PRKG1: variants seen among roughly 807,000 people sequenced by gnomAD.
PRKG1 encodes the protein cGMP-dependent protein kinase 1.
A neutral mutation model predicts 88.1 loss-of-function variants in PRKG1; 35 were observed. The observed-to-expected ratio is 0.40, with a 90% CI of 0.30 to 0.53. The LOEUF (loss-of-function observed/expected upper bound fraction) is 0.53, where lower values mean the gene tolerates loss of function less well. PRKG1 is among the 20% of genes least tolerant of loss of function. The pLI is 0.59. For missense variants in PRKG1, 540 were observed against 839.8 expected (o/e 0.64, Z 4.41); for synonymous variants, 303 against 292.5 (o/e 1.04, Z -0.37).
chr10:51,793,556 A>G (rs951390221), intron 3 of PRKG1, among the ~76,000 whole-genome samples: 2 of 152,146 alleles, frequency 1.3e-5, no homozygotes, highest in African/African-American at 4.8e-5. Flanking sequence ...AAGGTCTCCC[A>G]TCAAATTCAA....
intron 1 of PRKG1, among the ~76,000 whole-genome samples, chr10:51,082,506 T>C (rs1405180697): frequency 6.6e-6 from 1 of 152,212 alleles, no homozygotes; most frequent in Non-Finnish European, 1.5e-5. Context: ...TACATATCAG[T>C]AATTTTTGAT....
intron 7 of PRKG1, among the ~76,000 whole-genome samples, chr10:52,092,124 A>G (rs1430210525): frequency 6.6e-6 from 1 of 152,088 alleles, no homozygotes; most frequent in Non-Finnish European, 1.5e-5. Flanking sequence ...ATTGTTCTTC[A>G]CACCTAATAG....
chr10:52,178,848 C>T (rs1349728484), intron 9 of PRKG1, among the ~76,000 whole-genome samples: 1 of 151,582 alleles, frequency 6.6e-6, no homozygotes, highest in African/African-American at 2.4e-5. Flanking sequence ...TGTGAAGTAT[C>T]TTTTCCCATC....
chr10:51,858,873 G>A (rs184546776), intron 4 of PRKG1, among the ~76,000 whole-genome samples: 4 of 152,212 alleles, frequency 2.6e-5, no homozygotes, highest in Middle Eastern at 3.4e-3. Flanking sequence ...ATGGATTAGA[G>A]GGTCTTTATC....
intron 3 of PRKG1, among the ~76,000 whole-genome samples, chr10:51,478,581 G>A (rs956599823): frequency 5.3e-5 from 8 of 151,978 alleles, no homozygotes; most frequent in African/African-American, 1.9e-4. Context: ...CCCTAAAACT[G>A]TAGTGAACCA....
At chr10:51,511,771 C>T (rs1317363652) in intron 3 of PRKG1, among the ~76,000 whole-genome samples, 2 of 152,178 alleles carry the variant, frequency 1.3e-5, no homozygotes, top group African/African-American at 4.8e-5. Context: ...TTGGCAGTAT[C>T]TATTAAAGCT....
chr10:51,994,707 G>A (rs1844393667), intron 5 of PRKG1, among the ~76,000 whole-genome samples: 1 of 152,120 alleles, frequency 6.6e-6, no homozygotes, highest in African/African-American at 2.4e-5. Context: ...GCCTCCAGGA[G>A]GATAGAGTGT....
intron 3 of PRKG1, among the ~76,000 whole-genome samples, chr10:51,693,697 C>T (rs1341411981): frequency 6.6e-6 from 1 of 151,928 alleles, no homozygotes; most frequent in Non-Finnish European, 1.5e-5. Flanking sequence ...CCACCATGCC[C>T]GACTCCCAAG....
At chr10:51,949,096 A>G (rs964803072) in intron 5 of PRKG1, among the ~76,000 whole-genome samples, 19 of 152,212 alleles carry the variant, frequency 1.2e-4, no homozygotes, top group Non-Finnish European at 1.8e-4. Context: ...TGCCTTCAAT[A>G]TGGACATCTA....
In PRKG1 at chr10:52,295,431, A is replaced by T. The variant is rs1488893120; in HGVS notation, c.*1531A>T. 2 of 152,070 alleles carry T rather than the reference A, an allele frequency of 1.3e-5. No individual in the cohort carries two copies. Among genetic ancestry groups the T allele is most frequent in the Non-Finnish European group, 2.9e-5 (2 of 67,948 alleles). The allele number at this position is 152,070 out of a possible 1,614,324, so 9.4% of individuals were successfully genotyped here. A position where few individuals can be genotyped will look rare whatever the true frequency, so the allele number is the denominator to read the frequency against. ...TGAAAATGTCAAGCTGATTTACTTT[A>T]TTCACATGGAGAAAAGAATCCACAA... On this transcript the variant is annotated 3_prime_UTR_variant, in exon 18 of 18. Coordinates refer to ENST00000373980, the MANE Select transcript of PRKG1 (RefSeq NM_006258.4).
At chr10:51,770,084 A>T (rs2132543506) in intron 3 of PRKG1, among the ~76,000 whole-genome samples, 1 of 152,290 alleles carries the variant, frequency 6.6e-6, no homozygotes, top group Admixed American at 6.5e-5. Context: ...CTCAAACTGG[A>T]TGTACAAATA....
chr10:51,103,782 T>C (rs1844746080), intron 1 of PRKG1, among the ~76,000 whole-genome samples: 1 of 152,150 alleles, frequency 6.6e-6, no homozygotes, highest in East Asian at 1.9e-4. Context: ...ATGAACTTGA[T>C]AGCATACCTA....
intron 3 of PRKG1, among the ~76,000 whole-genome samples, chr10:51,471,762 G>T (rs533577148): frequency 9.0e-4 from 136 of 151,800 alleles, no homozygotes; most frequent in South Asian, 2.5e-3. Context: ...CCAGACCTTT[G>T]GTCATGTACT....
At chr10:51,578,577 A>G (rs1407340899) in intron 3 of PRKG1, among the ~76,000 whole-genome samples, 1 of 152,128 alleles carries the variant, frequency 6.6e-6, no homozygotes, top group African/African-American at 2.4e-5. Flanking sequence ...CACAGGGCCA[A>G]GAACTTCAGG....
chr10:51,370,496 G>A (rs1462946790), intron 2 of PRKG1, among the ~76,000 whole-genome samples: 1 of 116,076 alleles, frequency 8.6e-6, no homozygotes, highest in Non-Finnish European at 1.9e-5. Flanking sequence ...GAGAGAGAGA[G>A]TGTGTGTGTG....
intron 2 of PRKG1, among the ~76,000 whole-genome samples, chr10:51,283,693 A>G (rs1840360490): frequency 1.3e-5 from 2 of 152,170 alleles, no homozygotes; most frequent in African/African-American, 2.4e-5. Flanking sequence ...GAATCATGAA[A>G]GATCTTGATG....
At chr10:51,964,087 T>G (rs1843511470) in intron 5 of PRKG1, among the ~76,000 whole-genome samples, 1 of 152,186 alleles carries the variant, frequency 6.6e-6, no homozygotes, top group African/African-American at 2.4e-5. Context: ...ACTCATTGGC[T>G]TGTGACCCTA....
chr10:51,144,041 G>A (rs373741629), intron 1 of PRKG1, among the ~76,000 whole-genome samples: 5 of 151,776 alleles, frequency 3.3e-5, no homozygotes, highest in Non-Finnish European at 5.9e-5. Context: ...AAAAATCCTT[G>A]CCTGGATCAG....
chr10:51,529,351 A>T (rs1342734914), intron 3 of PRKG1, among the ~76,000 whole-genome samples: 1 of 152,114 alleles, frequency 6.6e-6, no homozygotes, highest in African/African-American at 2.4e-5. Flanking sequence ...AGTCACATTT[A>T]AAAAAATTAA....
Sources: allele counts gnomAD v4.1 joint callset (sites outside exome capture counted in the v4.1 genomes callset), GRCh38; gene constraint gnomAD v4.1.1; transcripts MANE v1.5; gene names NCBI Gene and HGNC (gene_info 2026-07-23, HGNC 2026-07-21).